The following PPP4C variants were observed in gnomAD, a reference collection of about 807,000 sequenced individuals.
PPP4C encodes the protein serine/threonine-protein phosphatase 4 catalytic subunit.
In PPP4C, 10 loss-of-function variants were observed where a neutral mutation model predicts 40.5. That is an observed-to-expected ratio of 0.25 (90% CI 0.15 to 0.42). The LOEUF (loss-of-function observed/expected upper bound fraction) is 0.42. PPP4C is among the 10% of genes least tolerant of loss of function. PPP4C has a pLI of 1.00. For synonymous variants in PPP4C, 187 were observed against 163.6 expected (o/e 1.14, Z -1.09); for missense variants, 191 against 416.4 (o/e 0.46, Z 4.71).
rs776171606 is a variant in PPP4C, at chr16:30,082,740, C to T, written c.202-6C>T. 5.0e-6 allele frequency: 8 copies of T among 1,612,596 alleles called. No individual in the cohort carries two copies. In the South Asian group the frequency reaches 5.5e-5, roughly 11 times the overall value. On this transcript the variant is annotated splice_region_variant and splice_polypyrimidine_tract_variant and intron_variant, in intron 4 of 8. Coordinates refer to ENST00000279387, the MANE Select transcript of PPP4C (RefSeq NM_002720.3). ...CGACAGGGCAAAACTTTCTACTTCC[C>T]CACAGGTAGGTGGCGACGTCCCTGA...
At position 30,076,297 on chromosome 16, in the gene PPP4C, C is replaced by T. The variant is rs1327880788; in HGVS notation, c.-63-18C>T. The T allele has an allele frequency of 8.5e-6, 12 of 1,414,598 alleles. No individual in the cohort carries two copies. The highest frequency in any genetic ancestry group is 1.2e-5 in the Non-Finnish European group (12 of 1,020,066). The allele number at this position is 1,414,598 out of a possible 1,614,324, so 87.6% of individuals were successfully genotyped here. A position where few individuals can be genotyped will look rare whatever the true frequency, so the allele number is the denominator to read the frequency against. On this transcript the variant is annotated intron_variant, in intron 1 of 8. Transcript: ENST00000279387. ...CCGGACGGACACTGATCCGCGGGCT[C>T]GTCTTGGCCTTTCCCAGGAGACCCC...
At chr16:30,077,433 T>C (rs2072423107) in intron 2 of PPP4C, among the ~76,000 whole-genome samples, 1 of 151,910 alleles carries the variant, frequency 6.6e-6, no homozygotes, top group Non-Finnish European at 1.5e-5. Flanking sequence ...TGAGTGGAGG[T>C]AGGCCTTGAA....
chr16:30,081,485 C>T, intron 3 of PPP4C, 175 bp downstream of exon 3: 1 of 544,702 alleles, frequency 1.8e-6, no homozygotes, highest in Non-Finnish European at 3.3e-6. Context: ...TGGCTCACAC[C>T]TGTGATCCCA....
rs999989490 is a variant in PPP4C, at chr16:30,083,127, G to T, written c.304-267G>T. The T allele has an allele frequency of 3.4e-6, 2 of 592,304 alleles. No individual in the cohort carries two copies. The highest frequency in any genetic ancestry group is 6.0e-6 in the Non-Finnish European group (2 of 335,032). The allele number at this position is 592,304 out of a possible 1,614,324, so 36.7% of individuals were successfully genotyped here. ...GTGGGGCCAGATGACAAAGGGCCTG[G>T]GTGCCTTGCTAGGGACCCGGTCTGT... On this transcript the variant is annotated intron_variant, in intron 5 of 8. Transcript: ENST00000279387. The surrounding 1 kb of genome is among the most constrained non-coding windows in gnomAD (Gnocchi z 6.3).
In PPP4C at chr16:30,076,315, G is replaced by T; in HGVS notation, c.-63G>T. The stretch of plus-strand genomic sequence containing the variant: ...GCGGGCTCGTCTTGGCCTTTCCCAG[G>T]AGACCCCTGTGCGGTGCGGAGGGGG... On this transcript the variant is annotated splice_region_variant and 5_prime_UTR_variant, in exon 2 of 9. Coordinates refer to ENST00000279387, the MANE Select transcript of PPP4C (RefSeq NM_002720.3). 6.5e-7 allele frequency: 1 copy of T among 1,536,760 alleles called. No homozygotes were observed. Among genetic ancestry groups the T allele is most frequent in the Non-Finnish European group, 8.9e-7 (1 of 1,120,240 alleles).
intron 2 of PPP4C, among the ~76,000 whole-genome samples, chr16:30,080,505 A>G (rs1380942990): frequency 7.8e-6 from 1 of 127,392 alleles, no homozygotes; most frequent in African/African-American, 3.0e-5. Context: ...AGAGCACCTC[A>G]CTTTTTTTTT....
intron 2 of PPP4C, among the ~76,000 whole-genome samples, chr16:30,077,745 T>C (rs2072429195): frequency 6.6e-6 from 1 of 152,224 alleles, no homozygotes; most frequent in African/African-American, 2.4e-5. Flanking sequence ...CCAGCAATCC[T>C]ATGAGGTTGG....
At chr16:30,082,334 C>A in intron 3 of PPP4C, 150 bp from the exon 4 acceptor site, 1 of 770,248 alleles carries the variant, frequency 1.3e-6, no homozygotes, top group Non-Finnish European at 2.3e-6. Context: ...CCAGACCAGA[C>A]TGACTTGGGG....
At chr16:30,081,234 G>T in intron 2 of PPP4C, 25 bp from the exon 3 acceptor site, 1 of 1,613,334 alleles carries the variant, frequency 6.2e-7, no homozygotes, top group South Asian at 1.1e-5. Context: ...TGGCTGTGGT[G>T]ACCCTGGTCT....
In PPP4C at chr16:30,083,384, C is replaced by G; in HGVS notation, c.304-10C>G. The G allele has an allele frequency of 6.2e-7, 1 of 1,602,950 alleles. No individual in the cohort carries two copies. The highest frequency in any genetic ancestry group is 1.7e-4 in the Middle Eastern group (1 of 5,836). On this transcript the variant is annotated splice_polypyrimidine_tract_variant and intron_variant, in intron 5 of 8. Coordinates refer to ENST00000279387, the MANE Select transcript of PPP4C (RefSeq NM_002720.3). The surrounding 1 kb of genome is among the most constrained non-coding windows in gnomAD (Gnocchi z 6.3). ...CTAGGCGCCAGCCCTGGCTTGGTGG[C>G]CACCCCCAGGTTCGCTATCCTGATC...
intron 2 of PPP4C, among the ~76,000 whole-genome samples, chr16:30,080,982 G>A (rs1195949253): frequency 1.3e-5 from 2 of 152,194 alleles, no homozygotes; most frequent in South Asian, 2.1e-4. Context: ...AAGAGGGAGC[G>A]GCAGGGGGAG....
chr16:30,082,924 C>T, intron 5 of PPP4C, 77 bp downstream of exon 5: 1 of 1,267,616 alleles, frequency 7.9e-7, no homozygotes, highest in South Asian at 1.3e-5. Context: ...CCGCCCTCAT[C>T]TCCTATCGTG....
chr16:30,084,905 C>G, intron 8 of PPP4C, 28 bp from the exon 9 acceptor site: 1 of 1,613,884 alleles, frequency 6.2e-7, no homozygotes. Flanking sequence ...AGCCGAGCTG[C>G]TCCTGACCCT....
At position 30,083,118 on chromosome 16, in the gene PPP4C, A is replaced by G. The variant is rs904015462; in HGVS notation, c.303+271A>G. The G allele has an allele frequency of 5.1e-6, 3 of 589,964 alleles. No homozygotes were observed. Among genetic ancestry groups the G allele is most frequent in the Non-Finnish European group, 9.0e-6 (3 of 333,668 alleles). The allele number at this position is 589,964 out of a possible 1,614,324, so 36.5% of individuals were successfully genotyped here. On this transcript the variant is annotated intron_variant, in intron 5 of 8. Transcript: ENST00000279387. The surrounding 1 kb of genome is among the most constrained non-coding windows in gnomAD (Gnocchi z 6.3). ...AGAGGCAGTGTGGGGCCAGATGACA[A>G]AGGGCCTGGGTGCCTTGCTAGGGAC...
At chr16:30,080,370 T>C (rs2072480708) in intron 2 of PPP4C, among the ~76,000 whole-genome samples, 1 of 147,550 alleles carries the variant, frequency 6.8e-6, no homozygotes, top group Non-Finnish European at 1.5e-5. Context: ...AAAAAAAAAT[T>C]GGGTGTCTTA....
chr16:30,077,990 G>C (rs1234677558), intron 2 of PPP4C, among the ~76,000 whole-genome samples: 1 of 152,180 alleles, frequency 6.6e-6, no homozygotes, highest in Non-Finnish European at 1.5e-5. Flanking sequence ...TCTTTTGCCA[G>C]CTGACCAGAC....
intron 2 of PPP4C, 81 bp from the exon 3 acceptor site, chr16:30,081,178 T>C: frequency 1.2e-6 from 2 of 1,601,244 alleles, no homozygotes; most frequent in Middle Eastern, 1.8e-4. Context: ...CTGCCTCATA[T>C]CCTCCCCTCC....
At chr16:30,081,042 T>G (rs953467165) in intron 2 of PPP4C, among the ~76,000 whole-genome samples, 2 of 152,068 alleles carry the variant, frequency 1.3e-5, no homozygotes, top group Non-Finnish European at 2.9e-5. Flanking sequence ...AACGCTGGGA[T>G]AAGAGGTTGG....
rs1596837791 is a variant in PPP4C at position 30,082,689 on chromosome 16, A to G, written c.202-57A>G. On this transcript the variant is annotated intron_variant, in intron 4 of 8. Coordinates refer to ENST00000279387, the MANE Select transcript of PPP4C (RefSeq NM_002720.3). ...GAAGAAGGGCCTCCGCTGGACAGAA[A>G]CAGGTAGGGGGTAGGGGACTGTTTA... 9 of 1,560,820 alleles carry G rather than the reference A, an allele frequency of 5.8e-6. No homozygotes were observed. The East Asian group carries it at 9.0e-5, about 16-fold the overall frequency.
Sources: gnomAD v4.1 joint callset for allele counts (sites outside exome capture counted in the v4.1 genomes callset) on GRCh38, gnomAD v4.1.1 for gene constraint, Gnocchi (gnomAD v3.1) non-coding constraint, MANE v1.5 for transcripts, NCBI Gene and HGNC (gene_info 2026-07-23, HGNC 2026-07-21) for gene names.